NPSR1: variants seen among roughly 807,000 people sequenced by gnomAD.
NPSR1 encodes the protein neuropeptide S receptor.
NPSR1 carries 48 observed loss-of-function variants against 46.9 expected under a neutral mutation model. That is an observed-to-expected ratio of 1.02 (90% CI 0.81 to 1.30). The LOEUF is 1.30. Among genes scored for constraint, NPSR1 ranks in the 50% most tolerant of loss-of-function variants. The probability of loss-of-function intolerance (pLI) is 0.00; values close to 1 mark genes in which losing one functional copy is unlikely to be tolerated. For synonymous variants in NPSR1, 176 were observed against 168.1 expected, an observed-to-expected ratio of 1.05 and a Z score of -0.36; for missense variants, 450 against 449.5, an observed-to-expected ratio of 1.00 and a Z score of -0.01.
chr7:34,813,360 G>A (rs538486434), intron 4 of NPSR1, among the ~76,000 whole-genome samples: 60 of 152,292 alleles, frequency 3.9e-4, no homozygotes, highest in African/African-American at 1.4e-3. Context: ...TAAGGCAATC[G>A]TTGTTCCAAG....
At chr7:34,696,334 A>G (rs988436117) in intron 2 of NPSR1, among the ~76,000 whole-genome samples, 2 of 152,100 alleles carry the variant, frequency 1.3e-5, no homozygotes, top group East Asian at 1.9e-4. Context: ...GAGGTGAATA[A>G]GAGTTGAAAA....
intron 1 of NPSR1, among the ~76,000 whole-genome samples, chr7:34,681,720 G>A (rs1018157271): frequency 6.6e-6 from 1 of 152,120 alleles, no homozygotes; most frequent in African/African-American, 2.4e-5. Context: ...GCGTTGAAGT[G>A]CCATATTCAA....
intron 3 of NPSR1, among the ~76,000 whole-genome samples, chr7:34,794,745 C>T (rs760079662): frequency 1.2e-4 from 18 of 152,096 alleles, no homozygotes; most frequent in Non-Finnish European, 2.1e-4. Flanking sequence ...AGGAAAAAAA[C>T]ACATCAATAT....
chr7:34,820,227 T>A (rs1584093149), intron 4 of NPSR1, among the ~76,000 whole-genome samples: 1 of 152,248 alleles, frequency 6.6e-6, no homozygotes, highest in East Asian at 1.9e-4. Context: ...TGTATACATA[T>A]CTCCAGACAC....
At chr7:34,709,754 T>C (rs1475888124) in intron 2 of NPSR1, among the ~76,000 whole-genome samples, 1 of 152,210 alleles carries the variant, frequency 6.6e-6, no homozygotes, top group Admixed American at 6.5e-5. Context: ...ATTCAATTAA[T>C]ATTTGTTGAA....
rs554783929 is a variant in NPSR1, at chr7:34,802,411, G to A, written c.385-9359G>A. On this transcript the variant is annotated intron_variant, in intron 3 of 8. Transcript: ENST00000360581. ...GAACAGAGCCCTCAGAAATAACGCC[G>A]CATATCTACAACTATCTGATCTTTG... is the stretch of plus-strand genomic sequence containing the variant. 1.7e-4 allele frequency among the ~76,000 whole-genome samples: 26 copies of A among 149,780 alleles called. 1 individual carries two copies. The highest frequency in any genetic ancestry group is 1.2e-3 in the South Asian group (6 of 4,810).
At chr7:34,775,567 T>C (rs1786916908) in intron 2 of NPSR1, among the ~76,000 whole-genome samples, 1 of 152,146 alleles carries the variant, frequency 6.6e-6, no homozygotes, top group Non-Finnish European at 1.5e-5. Context: ...AGGAATTTGT[T>C]CCTTTCTTCT....
At chr7:34,848,695 C>A (rs767674508) in intron 8 of NPSR1, 32 bp downstream of exon 8, 3 of 1,588,218 alleles carry the variant, frequency 1.9e-6, no homozygotes, top group Non-Finnish European at 2.6e-6. Context: ...GTCAGACACA[C>A]TGATGGCCAT....
Position 34,658,517 on chromosome 7 carries a change from G to C in NPSR1, c.105G>C (p.Val35=), listed in dbSNP as rs142945101. The C allele has an allele frequency of 4.6e-4, 750 of 1,614,126 alleles. No homozygotes were observed. The highest frequency in any genetic ancestry group is 4.4e-3 in the African/African-American group (327 of 75,036). The change falls in exon 1 of 9, where the codon GTG becomes GTC. Residue 35 remains valine, a synonymous_variant. Coordinates refer to ENST00000360581, the MANE Select transcript of NPSR1 (RefSeq NM_207172.2). The part of the protein sequence containing the change: ...ACTETVTFTE[V]VEGKEWGSFY... ...CTGAAACAGTGACTTTTACTGAAGT[G>C]GTGGAAGGAAAGGAATGGGGTTCCT...
Position 34,820,443 on chromosome 7 carries a change from G to A in NPSR1, c.479-6958G>A, listed in dbSNP as rs184003961. Among the ~76,000 whole-genome samples, 137 of 152,288 alleles carry A rather than the reference G, an allele frequency of 9.0e-4. 1 individual carries two copies. The highest frequency in any genetic ancestry group is 8.2e-3 in the Admixed American group (125 of 15,294). On this transcript the variant is annotated intron_variant, in intron 4 of 8. Coordinates refer to ENST00000360581, the MANE Select transcript of NPSR1 (RefSeq NM_207172.2). Reference sequence around the variant, plus strand: ...AAGCCCTAGTTATTATGATAGGGGAGGCAGGAAATTGATGAGGCAGGGGAG... The same window carrying A: ...AAGCCCTAGTTATTATGATAGGGGAAGCAGGAAATTGATGAGGCAGGGGAG...
rs542736029 is a variant in NPSR1, at chr7:34,752,430, G to A, written c.281-26032G>A. Among the ~76,000 whole-genome samples, 47 of 152,264 alleles carry A rather than the reference G, an allele frequency of 3.1e-4. No individual in the cohort carries two copies. The South Asian group carries it at 9.3e-3, about 30-fold the overall frequency. On this transcript the variant is annotated intron_variant, in intron 2 of 8. Coordinates refer to ENST00000360581, the MANE Select transcript of NPSR1 (RefSeq NM_207172.2). Reference sequence around the variant, plus strand: ...GTGAAACTTGTTTAATCCTAAATGGGTCCTGTTAAGAATTCCTTTGTTATT... The same window carrying A: ...GTGAAACTTGTTTAATCCTAAATGGATCCTGTTAAGAATTCCTTTGTTATT...
chr7:34,799,065 G>A (rs1788341494), intron 3 of NPSR1, among the ~76,000 whole-genome samples: 1 of 152,026 alleles, frequency 6.6e-6, no homozygotes, highest in Non-Finnish European at 1.5e-5. Context: ...GAAAAGAAAT[G>A]TAGGCCTAAA....
chr7:34,791,174 T>TTATATTATATATGTTATATGTTA (rs1787847347), intron 3 of NPSR1, among the ~76,000 whole-genome samples: 1 of 110,318 alleles, frequency 9.1e-6, no homozygotes, highest in Non-Finnish European at 1.7e-5. Context: ...ATGTTATATA[T>TTATATTATATATGTTATATGTTA]TATATTATAT....
intron 2 of NPSR1, among the ~76,000 whole-genome samples, chr7:34,691,696 G>A (rs1276262097): frequency 6.6e-6 from 1 of 152,138 alleles, no homozygotes; most frequent in African/African-American, 2.4e-5. Flanking sequence ...ACCAACACTG[G>A]AGAGCCCAGA....
chr7:34,851,099 AC>A (rs1790921108), downstream of NPSR1, among the ~76,000 whole-genome samples: 1 of 152,170 alleles, frequency 6.6e-6, no homozygotes, highest in Admixed American at 6.5e-5. Context: ...ATGCACGTGA[AC>A]ACCTTATTTT....
intron 1 of NPSR1, among the ~76,000 whole-genome samples, chr7:34,682,328 G>C (rs1792684590): frequency 6.6e-6 from 1 of 152,166 alleles, no homozygotes. Context: ...TTACCTGCCA[G>C]GCCACCTGCT....
chr7:34,723,336 G>A (rs1239194352), intron 2 of NPSR1: 1 of 152,340 alleles, frequency 6.6e-6, no homozygotes, highest in Non-Finnish European at 1.5e-5. Flanking sequence ...ACCTTCACTG[G>A]GTCTAGGTGT....
intron 8 of NPSR1, among the ~76,000 whole-genome samples, chr7:34,866,152 A>G (rs1791309913): frequency 6.6e-6 from 1 of 151,802 alleles, no homozygotes; most frequent in South Asian, 2.1e-4. Context: ...TTTGTCCCAC[A>G]CGGCCTCCAC....
chr7:34,779,473 C>G, intron 3 of NPSR1: 1 of 564,024 alleles, frequency 1.8e-6, no homozygotes, highest in Non-Finnish European at 2.7e-6. Flanking sequence ...TTAGTAGACT[C>G]TTTTAGGATC....
Sources: allele counts gnomAD v4.1 joint callset (sites outside exome capture counted in the v4.1 genomes callset), GRCh38; gene constraint gnomAD v4.1.1; transcripts MANE v1.5; gene names NCBI Gene and HGNC (gene_info 2026-07-23, HGNC 2026-07-21).